Variants in RTTN observed in about 807,000 individuals in gnomAD.
The protein encoded by RTTN is rotatin.
A neutral mutation model predicts 269.2 loss-of-function variants in RTTN; 182 were observed. The ratio of observed to expected loss-of-function variants is 0.68; its 90% CI spans 0.60 to 0.76. The LOEUF (loss-of-function observed/expected upper bound fraction) is 0.76, where lower values mean the gene tolerates loss of function less well. RTTN is among the 30% of genes least tolerant of loss of function. The pLI is 0.00. For synonymous variants in RTTN, 1,006 were observed against 963.5 expected, an observed-to-expected ratio of 1.04 and a Z score of -0.82; for missense variants, 2,545 against 2,608.6, an observed-to-expected ratio of 0.98 and a Z score of 0.53.
chr18:70,081,347 A>G (rs2058562791), intron 32 of RTTN, among the ~76,000 whole-genome samples: 1 of 152,152 alleles, frequency 6.6e-6, no homozygotes, highest in Non-Finnish European at 1.5e-5. Flanking sequence ...ACAAAACAAA[A>G]CAAAAAACTA....
intron 46 of RTTN, 64 bp from the exon 47 acceptor site, chr18:70,006,548 G>C: frequency 8.4e-7 from 1 of 1,188,552 alleles, no homozygotes; most frequent in Non-Finnish European, 1.2e-6. Flanking sequence ...TCTTATCTTG[G>C]ACTAGTCAGA....
At chr18:70,083,556 G>T (rs774283257) in intron 32 of RTTN, among the ~76,000 whole-genome samples, 1 of 152,116 alleles carries the variant, frequency 6.6e-6, no homozygotes, top group Admixed American at 6.6e-5. Flanking sequence ...TTAAATGTTA[G>T]TGTCTTTAAA....
At chr18:70,171,145 T>C (rs2061132609) in intron 11 of RTTN, among the ~76,000 whole-genome samples, 1 of 152,178 alleles carries the variant, frequency 6.6e-6, no homozygotes, top group African/African-American at 2.4e-5. Context: ...AAGTATAAAT[T>C]TGGCAGGCAT....
chr18:70,057,823 A>G lies in RTTN; in HGVS notation c.4950T>C (p.Asp1650=), dbSNP rs1218788442. 2 of 1,612,870 alleles carry G rather than the reference A, an allele frequency of 1.2e-6. No homozygotes were observed. Among genetic ancestry groups the G allele is most frequent in the Middle Eastern group, 1.7e-4 (1 of 6,054 alleles). Residue 1650 remains aspartate (D), a synonymous_variant, in exon 37 of 49, where the codon GAT becomes GAC. Coordinates refer to ENST00000640769, the MANE Select transcript of RTTN (RefSeq NM_173630.4). Reference sequence around the variant, plus strand: ...GGACACATGTCTGTATGAGGGTAGCATCTGCAATGCTGTGACGATCAGAAA... The same window carrying G: ...GGACACATGTCTGTATGAGGGTAGCGTCTGCAATGCTGTGACGATCAGAAA... ...HLIELLCSIA[D]ATLIQTCVQE... is the part of the protein sequence containing the mutation.
At chr18:70,201,239 T>C (rs1449204780) in intron 4 of RTTN, among the ~76,000 whole-genome samples, 2 of 152,182 alleles carry the variant, frequency 1.3e-5, no homozygotes, top group East Asian at 3.8e-4. Flanking sequence ...CGTAACTGGA[T>C]AGATGGTGCC....
At chr18:70,059,538 A>T (rs760510352) in intron 36 of RTTN, among the ~76,000 whole-genome samples, 13 of 152,206 alleles carry the variant, frequency 8.5e-5, no homozygotes, top group Admixed American at 1.3e-4. Flanking sequence ...ATCCATTAAG[A>T]ACAGGGGATA....
chr18:70,155,270 A>T (rs1374393462), intron 14 of RTTN, among the ~76,000 whole-genome samples: 3 of 152,118 alleles, frequency 2.0e-5, no homozygotes, highest in Non-Finnish European at 1.5e-5. Flanking sequence ...CAAATATACA[A>T]CCACCATCTA....
intron 10 of RTTN, 38 bp downstream of exon 10, chr18:70,188,070 A>G (rs777646358): frequency 1.7e-6 from 2 of 1,205,936 alleles, no homozygotes; most frequent in East Asian, 2.3e-5. Flanking sequence ...CTTAAAAAAT[A>G]CTATTCCCTA....
chr18:70,142,855 T>C (rs1031961299), intron 18 of RTTN, among the ~76,000 whole-genome samples: 1 of 152,060 alleles, frequency 6.6e-6, no homozygotes, highest in Non-Finnish European at 1.5e-5. Context: ...TGAAACTCCA[T>C]CTCTACTAAA....
intron 7 of RTTN, chr18:70,194,626 T>A (rs911594421): frequency 6.6e-6 from 1 of 152,232 alleles, no homozygotes. Context: ...TTCAGCCATA[T>A]AAAGGAATGA....
At chr18:70,128,591 A>T in intron 23 of RTTN, 45 bp from the exon 24 acceptor site, 4 of 1,530,392 alleles carry the variant, frequency 2.6e-6, no homozygotes, top group Non-Finnish European at 3.6e-6. Flanking sequence ...CAAATTCTTA[A>T]ATGCTACTCA....
intron 26 of RTTN, among the ~76,000 whole-genome samples, chr18:70,120,503 AATGAAAC>A (rs1410145457): frequency 6.6e-6 from 1 of 152,148 alleles, no homozygotes; most frequent in Non-Finnish European, 1.5e-5. Flanking sequence ...GTTAATATAT[AATGAAAC>A]ATATTTGCCT....
intron 28 of RTTN, among the ~76,000 whole-genome samples, chr18:70,101,035 CTCT>C (rs1309962429): frequency 2.0e-5 from 3 of 152,088 alleles, no homozygotes; most frequent in Admixed American, 2.0e-4. Flanking sequence ...GTCTAAAATT[CTCT>C]TTTTTTGTTG....
intron 32 of RTTN, among the ~76,000 whole-genome samples, chr18:70,076,419 G>A (rs1281952303): frequency 6.6e-6 from 1 of 152,004 alleles, no homozygotes; most frequent in Non-Finnish European, 1.5e-5. Context: ...AGATTTGTAT[G>A]TGTGTCTGTT....
At position 70,142,349 on chromosome 18, in the gene RTTN, T is replaced by A; in HGVS notation, c.2520A>T (p.Ser840=). The change falls in exon 19 of 49, where the codon TCA becomes TCT. Residue 840 remains serine (S), a synonymous_variant. Coordinates refer to ENST00000640769, the MANE Select transcript of RTTN (RefSeq NM_173630.4). ...TTCTCAAAACGAGATCAACATCATC[T>A]GAGGTGAAGATTTCATATACCTTTT... is the stretch of plus-strand genomic sequence containing the variant. ...TVEKVYEIFT[S]DDVDLVLRKS... The A allele has an allele frequency of 6.2e-7, 1 of 1,607,436 alleles. No homozygotes were observed. The highest frequency in any genetic ancestry group is 8.5e-7 in the Non-Finnish European group (1 of 1,177,998).
chr18:70,121,920 T>C (rs1371241286), intron 25 of RTTN, among the ~76,000 whole-genome samples: 2 of 152,090 alleles, frequency 1.3e-5, no homozygotes, highest in East Asian at 3.8e-4. Flanking sequence ...GTAACTAAAA[T>C]AACTAGAAGT....
At chr18:70,062,527 C>T (rs2144923517) in intron 35 of RTTN, among the ~76,000 whole-genome samples, 1 of 152,010 alleles carries the variant, frequency 6.6e-6, no homozygotes, top group East Asian at 1.9e-4. Context: ...ACTATAAATA[C>T]TCTTTATCAT....
At position 70,204,138 on chromosome 18, in the gene RTTN, A is replaced by G; in HGVS notation, c.345T>C (p.Leu115=). The G allele has an allele frequency of 6.2e-7, 1 of 1,614,110 alleles. No individual in the cohort carries two copies. Residue 115 remains leucine, a synonymous_variant, in exon 3 of 49, where the codon CTT becomes CTC. Transcript: ENST00000640769. ...AAGATAGTGCAGGAACTTCCGAAGG[A>G]AGAAGAAAAAGTCCATCCAGAATGC... ...IDGILDGLFL[L]PSEVPALSSA...
At chr18:70,197,956 T>G (rs1245822513) in intron 5 of RTTN, among the ~76,000 whole-genome samples, 1 of 152,206 alleles carries the variant, frequency 6.6e-6, no homozygotes, top group Admixed American at 6.5e-5. Context: ...TAACTGCCTG[T>G]TGATTTTGCA....
Sources: gnomAD v4.1 joint callset for allele counts (sites outside exome capture counted in the v4.1 genomes callset) on GRCh38, gnomAD v4.1.1 for gene constraint, MANE v1.5 for transcripts, NCBI Gene and HGNC (gene_info 2026-07-23, HGNC 2026-07-21) for gene names.